Variants in RPS11 observed in about 807,000 individuals in gnomAD.
RPS11 encodes ribosomal protein S11, also known as small ribosomal subunit protein uS17.
For synonymous variants in RPS11, 107 were observed against 78.0 expected (o/e 1.37, Z -1.96); for missense variants, 127 against 211.4 (o/e 0.60, Z 2.48).
chr19:49,498,479 C>T (rs2079918558), intron 4 of RPS11, among the ~76,000 whole-genome samples: 3 of 152,172 alleles, frequency 2.0e-5, no homozygotes, highest in Admixed American at 2.0e-4. Flanking sequence ...TAGCCAGGCA[C>T]CGTGGCTCAA....
At chr19:49,499,331 C>T (rs1055733949) in intron 4 of RPS11, among the ~76,000 whole-genome samples, 181 bp from the exon 5 acceptor site, 3 of 152,126 alleles carry the variant, frequency 2.0e-5, no homozygotes, top group Non-Finnish European at 4.4e-5. Flanking sequence ...CAGCGTTGAG[C>T]TTGGTGCTTG....
intron 4 of RPS11, 50 bp downstream of exon 4, chr19:49,498,096 C>T (rs2079916581): frequency 6.2e-7 from 1 of 1,607,374 alleles, no homozygotes. Flanking sequence ...TCTCAGCCTT[C>T]AGATTCCAGA....
intron 1 of RPS11, 102 bp downstream of exon 1, chr19:49,496,573 C>T: frequency 2.4e-6 from 3 of 1,248,936 alleles, no homozygotes; most frequent in Non-Finnish European, 3.3e-6. Context: ...GGGTTAATTC[C>T]GGGCGTCCGT....
intron 4 of RPS11, among the ~76,000 whole-genome samples, chr19:49,498,699 G>A (rs543715818): frequency 4.6e-5 from 7 of 152,268 alleles, no homozygotes; most frequent in East Asian, 3.9e-4. Flanking sequence ...GCAGTGAGCC[G>A]AGATGGCAGC....
In RPS11 at chr19:49,499,663, T is replaced by C. The variant is rs2079924839; in HGVS notation, c.*28T>C. ...CTGGACATCGGCCCGCTCCCCACAATGAAATAAAGTTATTTTCTCATTCCC... is the reference window on the plus strand; with the variant it reads ...CTGGACATCGGCCCGCTCCCCACAACGAAATAAAGTTATTTTCTCATTCCC... On this transcript the variant is annotated 3_prime_UTR_variant, in exon 5 of 5. Transcript: ENST00000270625. The C allele has an allele frequency of 1.2e-6, 2 of 1,605,612 alleles. No individual in the cohort carries two copies. Among genetic ancestry groups the C allele is most frequent in the African/African-American group, 2.7e-5 (2 of 74,688 alleles).
chr19:49,497,786 T>C, intron 3 of RPS11, 131 bp from the exon 4 acceptor site: 1 of 1,367,586 alleles, frequency 7.3e-7, no homozygotes. Flanking sequence ...GAAAGCCACT[T>C]GGTAAAACTG....
At chr19:49,499,325 G>A (rs931502168) in intron 4 of RPS11, among the ~76,000 whole-genome samples, 187 bp from the exon 5 acceptor site, 4 of 152,206 alleles carry the variant, frequency 2.6e-5, no homozygotes, top group Admixed American at 6.5e-5. Flanking sequence ...TGTGTACAGC[G>A]TTGAGCTTGG....
At chr19:49,498,543 G>A (rs2079918993) in intron 4 of RPS11, among the ~76,000 whole-genome samples, 1 of 152,164 alleles carries the variant, frequency 6.6e-6, no homozygotes, top group Non-Finnish European at 1.5e-5. Flanking sequence ...CTTGAGCCCA[G>A]GAGTTTGAGA....
Position 49,498,052 on chromosome 19 carries a change from C to G in RPS11, c.353+6C>G. On this transcript the variant is annotated splice_donor_region_variant and intron_variant, in intron 4 of 4. Transcript: ENST00000270625. ...CACCTGTCCCCCTGCTTCAGGTGAG[C>G]GCAGTGGCCCATCAGGTTGCTCAGG... is the stretch of plus-strand genomic sequence containing the variant. 1.2e-6 allele frequency: 2 copies of G among 1,612,038 alleles called. No individual in the cohort carries two copies. The highest frequency in any genetic ancestry group is 4.4e-4 in the Middle Eastern group (2 of 4,576).
intron 3 of RPS11, 150 bp downstream of exon 3, chr19:49,497,745 G>A (rs1484032417): frequency 8.7e-7 from 1 of 1,149,422 alleles, no homozygotes; most frequent in South Asian, 1.2e-5. Flanking sequence ...TTTTCACGAT[G>A]GTCTTCAGAT....
intron 4 of RPS11, 58 bp from the exon 5 acceptor site, chr19:49,499,454 C>T: frequency 3.8e-6 from 6 of 1,578,380 alleles, no homozygotes; most frequent in Non-Finnish European, 4.3e-6. Flanking sequence ...GAGGGAGGGC[C>T]TCCTGGGGTC....
intron 1 of RPS11, 139 bp from the exon 2 acceptor site, chr19:49,497,055 G>A (rs2079909950): frequency 1.1e-6 from 1 of 895,798 alleles, no homozygotes; most frequent in African/African-American, 1.7e-5. Flanking sequence ...GTGATTCTGG[G>A]GCACCAGGCC....
rs2079914443 is a variant in RPS11, at chr19:49,497,806, A to G, written c.224-111A>G. On this transcript the variant is annotated intron_variant, in intron 3 of 4. Coordinates refer to ENST00000270625, the MANE Select transcript of RPS11 (RefSeq NM_001015.5). Reference sequence around the variant, plus strand: ...CCACTTGGTAAAACTGATGCCGGAAATGGGGCTTTTTGGGATCCCTGCTCA... The same window carrying G: ...CCACTTGGTAAAACTGATGCCGGAAGTGGGGCTTTTTGGGATCCCTGCTCA... The G allele has an allele frequency of 2.7e-6, 4 of 1,484,346 alleles. No individual in the cohort carries two copies. The African/African-American group carries it at 4.1e-5, about 15-fold the overall frequency. The allele number at this position is 1,484,346 out of a possible 1,614,324, so 91.9% of individuals were successfully genotyped here.
At chr19:49,497,039 T>TA (rs1205384500) in intron 1 of RPS11, 155 bp from the exon 2 acceptor site, 43 of 751,792 alleles carry the variant, frequency 5.7e-5, no homozygotes, top group Non-Finnish European at 8.7e-5. Flanking sequence ...GGTCATGTCT[T>TA]AGAGGGTGAT....
chr19:49,497,824 C>T (rs2079914554), intron 3 of RPS11, 93 bp from the exon 4 acceptor site: 4 of 1,561,170 alleles, frequency 2.6e-6, no homozygotes, highest in Non-Finnish European at 3.5e-6. Flanking sequence ...TTTTGGGATC[C>T]CTGCTCAGCT....
At position 49,499,699 on chromosome 19, in the gene RPS11, T is replaced by G. The variant is rs2079925020; in HGVS notation, c.*64T>G. On this transcript the variant is annotated 3_prime_UTR_variant, in exon 5 of 5. Coordinates refer to ENST00000270625, the MANE Select transcript of RPS11 (RefSeq NM_001015.5). ...TATTTTCTCATTCCCAGGCCAGACT[T>G]GGGATCTTCCGCGCCTTTACCAGAG... 3.8e-6 allele frequency: 6 copies of G among 1,574,512 alleles called. 1 individual carries two copies. The South Asian group carries it at 4.6e-5, about 12-fold the overall frequency.
rs200290984 is a variant in RPS11, at chr19:49,497,616, T to A, written c.223+21T>A. The A allele has an allele frequency of 5.6e-6, 9 of 1,605,278 alleles. No individual in the cohort carries two copies. In the East Asian group the frequency reaches 2.0e-4, roughly 36 times the overall value. On this transcript the variant is annotated intron_variant, in intron 3 of 4. Coordinates refer to ENST00000270625, the MANE Select transcript of RPS11 (RefSeq NM_001015.5). ...CTCTGGTAAGTGCGGGAGTTACTGGTGTCTGGGGCCTGAAATACTGAAAGA... is the reference window on the plus strand; with the variant it reads ...CTCTGGTAAGTGCGGGAGTTACTGGAGTCTGGGGCCTGAAATACTGAAAGA...
At chr19:49,499,250 T>A (rs2079922661) in intron 4 of RPS11, among the ~76,000 whole-genome samples, 2 of 152,182 alleles carry the variant, frequency 1.3e-5, no homozygotes, top group South Asian at 4.1e-4. Context: ...CTTGGGGGCC[T>A]CCAGTTTGCT....
At chr19:49,499,400 G>T (rs985533603) in intron 4 of RPS11, 112 bp from the exon 5 acceptor site, 2 of 1,201,090 alleles carry the variant, frequency 1.7e-6, no homozygotes, top group African/African-American at 1.5e-5. Context: ...GCTTGGTTGG[G>T]GTTTGGTGGA....
Sources: gnomAD v4.1 joint callset for allele counts (sites outside exome capture counted in the v4.1 genomes callset) on GRCh38, gnomAD v4.1.1 for gene constraint, MANE v1.5 for transcripts, NCBI Gene and HGNC (gene_info 2026-07-23, HGNC 2026-07-21) for gene names.